The following ARHGAP6 variants were observed in gnomAD, a reference collection of about 807,000 sequenced individuals.
ARHGAP6 encodes the protein Rho GTPase activating protein 6, also known as rho GTPase-activating protein 6.
In ARHGAP6, 16 loss-of-function variants were observed where a neutral mutation model predicts 55.7. The ratio of observed to expected loss-of-function variants is 0.29; its 90% CI spans 0.19 to 0.44. The LOEUF is 0.44. ARHGAP6 is among the 20% of genes least tolerant of loss of function. The probability of loss-of-function intolerance (pLI) is 1.00; values close to 1 mark genes in which losing one functional copy is unlikely to be tolerated. For synonymous variants in ARHGAP6, 382 were observed against 360.9 expected (o/e 1.06, Z -0.66); for missense variants, 698 against 808.9 (o/e 0.86, Z 1.66).
chrX:11,148,979 C>T (rs2045736956), intron 10 of ARHGAP6, among the ~76,000 whole-genome samples: 1 of 112,295 alleles, frequency 8.9e-6, no homozygotes, highest in Non-Finnish European at 1.9e-5. Context: ...ACATTAATCA[C>T]CATCAGTTCT....
At chrX:11,297,344 C>T (rs754805464) in intron 1 of ARHGAP6, among the ~76,000 whole-genome samples, 1 of 111,783 alleles carries the variant, frequency 8.9e-6, no homozygotes, top group South Asian at 3.7e-4. Context: ...TTCTCCTCAA[C>T]CTCTTACTAA....
At chrX:11,569,082 G>C (rs1214093082) in intron 1 of ARHGAP6, among the ~76,000 whole-genome samples, 1 of 111,729 alleles carries the variant, frequency 9.0e-6, no homozygotes, top group East Asian at 2.8e-4. Context: ...AACAAGGAAG[G>C]ACTAGTAGAG....
chrX:11,298,921 ATCTGAC>A, intron 1 of ARHGAP6: 1 of 1,210,889 alleles, frequency 8.3e-7, no homozygotes, highest in Non-Finnish European at 1.1e-6. Flanking sequence ...ATGCTTCCTG[ATCTGAC>A]TCTGGAAGCT....
chrX:11,581,945 C>T (rs1360730751), intron 1 of ARHGAP6, among the ~76,000 whole-genome samples: 1 of 111,406 alleles, frequency 9.0e-6, no homozygotes, highest in Non-Finnish European at 1.9e-5. Flanking sequence ...TGGCATACTG[C>T]CTAGCCGGAG....
intron 2 of ARHGAP6, among the ~76,000 whole-genome samples, chrX:11,226,079 C>T (rs1173612385): frequency 9.2e-6 from 1 of 109,055 alleles, no homozygotes; most frequent in Non-Finnish European, 1.9e-5. Flanking sequence ...ATACATGTGC[C>T]ATGTTAGTGT....
At chrX:11,571,709 A>AAATAATAATAATAATAATAAT (rs565943916) in intron 1 of ARHGAP6, among the ~76,000 whole-genome samples, 169 of 95,767 alleles carry the variant, frequency 1.8e-3, no homozygotes, top group Non-Finnish European at 2.2e-3. Context: ...CTTGTATATT[A>AAATAATAATAATAATAATAAT]AATAATAATA....
At chrX:11,527,954 A>G (rs1489114755) in intron 1 of ARHGAP6, among the ~76,000 whole-genome samples, 1 of 112,551 alleles carries the variant, frequency 8.9e-6, no homozygotes, top group Non-Finnish European at 1.9e-5. Flanking sequence ...CTGAAATTCA[A>G]ATGTAACTGA....
At chrX:11,313,682 T>G (rs2048325060) in intron 1 of ARHGAP6, among the ~76,000 whole-genome samples, 1 of 112,649 alleles carries the variant, frequency 8.9e-6, no homozygotes. Flanking sequence ...GTCTATTGGC[T>G]GTCTCTCTTA....
intron 1 of ARHGAP6, among the ~76,000 whole-genome samples, chrX:11,416,302 G>T (rs756421751): frequency 9.0e-6 from 1 of 111,361 alleles, no homozygotes; most frequent in South Asian, 3.9e-4. Context: ...CAATTAAATT[G>T]CATTAAAAGC....
At chrX:11,269,182 T>C (rs2047665103) in intron 1 of ARHGAP6, among the ~76,000 whole-genome samples, 1 of 111,357 alleles carries the variant, frequency 9.0e-6, no homozygotes, top group Admixed American at 9.6e-5. Context: ...GAACTTCCCA[T>C]ATGAACACAG....
At chrX:11,531,058 G>A (rs752762112) in intron 1 of ARHGAP6, among the ~76,000 whole-genome samples, 27 of 111,930 alleles carry the variant, frequency 2.4e-4, no homozygotes, top group Non-Finnish European at 4.1e-4. Context: ...GACTGAACAA[G>A]TGAATGGATA....
At chrX:11,517,959 T>C (rs2050862316) in intron 1 of ARHGAP6, among the ~76,000 whole-genome samples, 2 of 111,100 alleles carry the variant, frequency 1.8e-5, no homozygotes, top group Admixed American at 9.6e-5. Flanking sequence ...CATCCGCACA[T>C]GTACCCCGGA....
intron 1 of ARHGAP6, among the ~76,000 whole-genome samples, chrX:11,475,977 CA>C (rs1272901870): frequency 9.0e-6 from 1 of 111,080 alleles, no homozygotes; most frequent in Non-Finnish European, 1.9e-5. Flanking sequence ...AAAAGGTGCT[CA>C]GCAAGGAGAT....
intron 2 of ARHGAP6, among the ~76,000 whole-genome samples, chrX:11,218,745 T>G (rs374925659): frequency 4.5e-5 from 5 of 111,956 alleles, no homozygotes; most frequent in African/African-American, 1.6e-4. Context: ...CTAATTTATT[T>G]GTGTGGAGGT....
intron 8 of ARHGAP6, among the ~76,000 whole-genome samples, chrX:11,171,891 C>T (rs189114577): frequency 3.6e-5 from 4 of 111,837 alleles, no homozygotes; most frequent in South Asian, 3.8e-4. Context: ...TAGACATGGT[C>T]GCAGGTCCCC....
intron 8 of ARHGAP6, among the ~76,000 whole-genome samples, chrX:11,175,735 T>A (rs772976273): frequency 6.3e-5 from 7 of 111,050 alleles, no homozygotes; most frequent in African/African-American, 2.3e-4. Flanking sequence ...TGGCATCTAG[T>A]GGGAAGAGGC....
At chrX:11,581,351 C>T (rs974328451) in intron 1 of ARHGAP6, among the ~76,000 whole-genome samples, 4 of 111,852 alleles carry the variant, frequency 3.6e-5, no homozygotes, top group African/African-American at 1.3e-4. Flanking sequence ...AATGGTGCAG[C>T]AGCTTTGGAA....
intron 1 of ARHGAP6, among the ~76,000 whole-genome samples, chrX:11,475,063 T>G (rs151138401): frequency 7.1e-4 from 79 of 111,257 alleles, no homozygotes; most frequent in African/African-American, 2.4e-3. Context: ...TCTTTGTAAA[T>G]TACATAGCAT....
At chrX:11,350,712 A>C (rs2048851794) in intron 1 of ARHGAP6, among the ~76,000 whole-genome samples, 2 of 112,379 alleles carry the variant, frequency 1.8e-5, no homozygotes, top group Admixed American at 9.5e-5. Context: ...CTTAATAAAC[A>C]AGTTATTTTC....
Sources: allele counts gnomAD v4.1 joint callset (sites outside exome capture counted in the v4.1 genomes callset), GRCh38; gene constraint gnomAD v4.1.1; transcripts MANE v1.5; gene names NCBI Gene and HGNC (gene_info 2026-07-23, HGNC 2026-07-21).